Variants in LRRC8B observed in about 807,000 individuals in gnomAD.
LRRC8B encodes leucine rich repeat containing 8 VRAC subunit B, also known as volume-regulated anion channel subunit LRRC8B.
Under a neutral mutation model 58.8 loss-of-function variants are expected in LRRC8B, and 23 were observed. The observed-to-expected ratio is 0.39, with a 90% confidence interval of 0.28 to 0.55. The LOEUF is 0.55. LRRC8B is among the 20% of genes least tolerant of loss of function. LRRC8B has a pLI of 0.62. For missense variants in LRRC8B, 694 were observed against 936.0 expected (o/e 0.74, Z 3.37); for synonymous variants, 359 against 374.1 (o/e 0.96, Z 0.47).
chr1:89,551,007 G>A (rs1651765572), intron 1 of LRRC8B, among the ~76,000 whole-genome samples: 1 of 151,966 alleles, frequency 6.6e-6, no homozygotes. Flanking sequence ...TCATATTCTG[G>A]AATCTCCAAC....
At position 89,593,377 on chromosome 1, in the gene LRRC8B, CAAA is replaced by C. The variant is rs200997401; in HGVS notation, c.*348_*350del. 148 of 135,488 alleles carry C rather than the reference CAAA, an allele frequency of 1.1e-3. No individual in the cohort carries two copies. Among genetic ancestry groups the C allele is most frequent in the Middle Eastern group, 4.0e-3 (1 of 250 alleles). 8.4% of individuals were successfully genotyped at this position (135,488 alleles called of 1,614,324 possible). A position where few individuals can be genotyped will look rare whatever the true frequency, so the allele number is the denominator to read the frequency against. On this transcript the variant is annotated 3_prime_UTR_variant, in exon 6 of 6. Coordinates refer to ENST00000330947, the MANE Select transcript of LRRC8B (RefSeq NM_001369817.2). ...GGGTGACAGAGCAAGACTCTTATCTCAAAAAAAAAAAAAAAATGCTCCAGGGCT... is the reference window on the plus strand; with the variant it reads ...GGGTGACAGAGCAAGACTCTTATCTCAAAAAAAAAAAAATGCTCCAGGGCT...
At chr1:89,576,715 ATCTT>A (rs758360007) in intron 3 of LRRC8B, among the ~76,000 whole-genome samples, 9 of 152,204 alleles carry the variant, frequency 5.9e-5, no homozygotes, top group Non-Finnish European at 8.8e-5. Context: ...TATTAGAAAA[ATCTT>A]TCTTTCTAGG....
chr1:89,583,529 G>T lies in LRRC8B; in HGVS notation c.879G>T (p.Val293=). The part of the protein sequence containing the change: ...ITLEIDCSVD[V]QAFTGYKRYQ... Reference sequence around the variant, plus strand: ...TTGAAATCGACTGTTCAGTTGATGTGCAGGCTTTTACAGGATATAAGCGCT... The same window carrying T: ...TTGAAATCGACTGTTCAGTTGATGTTCAGGCTTTTACAGGATATAAGCGCT... The change falls in exon 5 of 6, where the codon GTG becomes GTT. Residue 293 remains valine, a synonymous_variant. Transcript: ENST00000330947. This position sits in a 1 kb window ranked among gnomAD's most constrained non-coding sequence, Gnocchi z 5.2. 1.2e-6 allele frequency: 2 copies of T among 1,612,836 alleles called. No homozygotes were observed. The highest frequency in any genetic ancestry group is 8.5e-7 in the Non-Finnish European group (1 of 1,180,014).
chr1:89,572,401 T>C (rs1653534263), intron 3 of LRRC8B: 2 of 152,260 alleles, frequency 1.3e-5, no homozygotes, highest in Non-Finnish European at 2.9e-5. Context: ...TCTAGCTAGA[T>C]TGGGGAAGTT....
At chr1:89,575,735 C>T (rs1271760015) in intron 3 of LRRC8B, among the ~76,000 whole-genome samples, 10 of 152,100 alleles carry the variant, frequency 6.6e-5, no homozygotes, top group Non-Finnish European at 1.3e-4. Flanking sequence ...TATTGTGCCC[C>T]ATGTGCTGGA....
At chr1:89,530,663 A>G (rs1650057489) in intron 1 of LRRC8B, among the ~76,000 whole-genome samples, 1 of 152,238 alleles carries the variant, frequency 6.6e-6, no homozygotes, top group South Asian at 2.1e-4. Flanking sequence ...CGCATAAAGC[A>G]GCAGTGGAAA....
chr1:89,537,436 C>A (rs1271717417), intron 1 of LRRC8B, among the ~76,000 whole-genome samples: 1 of 152,030 alleles, frequency 6.6e-6, no homozygotes, highest in East Asian at 1.9e-4. Context: ...AAAAACAAAG[C>A]CCTCATGAAT....
At chr1:89,543,576 A>C (rs1188232699) in intron 1 of LRRC8B, among the ~76,000 whole-genome samples, 1 of 151,846 alleles carries the variant, frequency 6.6e-6, no homozygotes, top group African/African-American at 2.4e-5. Context: ...GCTCACTGCA[A>C]CCTCTGCCTC....
At chr1:89,559,587 G>A (rs1396342252) in intron 1 of LRRC8B, among the ~76,000 whole-genome samples, 3 of 145,266 alleles carry the variant, frequency 2.1e-5, no homozygotes, top group Admixed American at 2.1e-4. Flanking sequence ...CTAAATGACA[G>A]AGTGAGACCC....
intron 3 of LRRC8B, among the ~76,000 whole-genome samples, chr1:89,572,173 A>G (rs1653520487): frequency 6.6e-6 from 1 of 152,174 alleles, no homozygotes; most frequent in South Asian, 2.1e-4. Context: ...TTGACCCCTA[A>G]TGTCTTCTGG....
intron 1 of LRRC8B, among the ~76,000 whole-genome samples, chr1:89,540,847 T>C (rs1480393459): frequency 6.6e-6 from 1 of 152,190 alleles, no homozygotes; most frequent in East Asian, 1.9e-4. Context: ...AAAAAAGTCA[T>C]AGGATTAAAT....
chr1:89,559,603 C>CAA lies in LRRC8B; in HGVS notation c.-240-8632_-240-8631dup, dbSNP rs1204800773. 3.7e-3 allele frequency among the ~76,000 whole-genome samples: 492 copies of CAA among 131,270 alleles called. 1 individual carries two copies. The highest frequency in any genetic ancestry group is 8.4e-3 in the East Asian group (37 of 4,424). The allele number at this position is 131,270 out of a possible 152,430, so 86.1% of individuals were successfully genotyped here. ...TAAATGACAGAGTGAGACCCTGTCTCAAAAAAAAAAAAATATATATATATA... is the reference window on the plus strand; with the variant it reads ...TAAATGACAGAGTGAGACCCTGTCTCAAAAAAAAAAAAAAATATATATATATA... On this transcript the variant is annotated intron_variant, in intron 1 of 5. Transcript: ENST00000330947.
chr1:89,575,169 C>T (rs1653752467), intron 3 of LRRC8B, among the ~76,000 whole-genome samples: 1 of 152,184 alleles, frequency 6.6e-6, no homozygotes, highest in African/African-American at 2.4e-5. Context: ...AGCATGGCTG[C>T]AGACTCTTTG....
chr1:89,592,355 A>G (rs2101110790), intron 5 of LRRC8B, among the ~76,000 whole-genome samples: 1 of 152,320 alleles, frequency 6.6e-6, no homozygotes, highest in East Asian at 1.9e-4. Flanking sequence ...ATTATTCATT[A>G]CATTACACAG....
At chr1:89,550,875 C>T (rs1319179302) in intron 1 of LRRC8B, among the ~76,000 whole-genome samples, 1 of 152,158 alleles carries the variant, frequency 6.6e-6, no homozygotes, top group Non-Finnish European at 1.5e-5. Flanking sequence ...TTTCCCCCGG[C>T]CCCCGATCCT....
chr1:89,557,723 A>G (rs777400896), intron 1 of LRRC8B, among the ~76,000 whole-genome samples: 3 of 152,232 alleles, frequency 2.0e-5, no homozygotes, highest in Non-Finnish European at 4.4e-5. Flanking sequence ...TCAGCAGCAG[A>G]TACATAAAAG....
chr1:89,537,694 A>C (rs1345015131), intron 1 of LRRC8B, among the ~76,000 whole-genome samples: 1 of 152,144 alleles, frequency 6.6e-6, no homozygotes, highest in East Asian at 1.9e-4. Context: ...CCTGGTCTCG[A>C]ACTCCTGACC....
intron 1 of LRRC8B, among the ~76,000 whole-genome samples, chr1:89,539,562 A>G (rs1650799753): frequency 6.6e-6 from 1 of 152,214 alleles, no homozygotes; most frequent in African/African-American, 2.4e-5. Flanking sequence ...ATGAAGGTGA[A>G]GAAAGACTAA....
chr1:89,577,152 C>G (rs1389618799), intron 3 of LRRC8B, among the ~76,000 whole-genome samples: 1 of 152,186 alleles, frequency 6.6e-6, no homozygotes, highest in East Asian at 1.9e-4. Context: ...GCTATAATCC[C>G]TGCCTGGGGT....
Sources: gnomAD v4.1 joint callset for allele counts (sites outside exome capture counted in the v4.1 genomes callset) on GRCh38, gnomAD v4.1.1 for gene constraint, Gnocchi (gnomAD v3.1) non-coding constraint, MANE v1.5 for transcripts, NCBI Gene and HGNC (gene_info 2026-07-23, HGNC 2026-07-21) for gene names.